Variants in GRIK4 observed in about 807,000 individuals in gnomAD.
The protein encoded by GRIK4 is glutamate receptor ionotropic, kainate 4.
In GRIK4, 40 loss-of-function variants were observed where a neutral mutation model predicts 104.9. The observed-to-expected ratio is 0.38, with a 90% CI of 0.30 to 0.50. GRIK4 has a LOEUF of 0.50. GRIK4 is among the 20% of genes least tolerant of loss of function. The probability of loss-of-function intolerance (pLI) is 0.93; values close to 1 mark genes in which losing one functional copy is unlikely to be tolerated. For synonymous variants in GRIK4, 485 were observed against 524.9 expected (o/e 0.92, Z 1.04); for missense variants, 1,047 against 1,308.1 (o/e 0.80, Z 3.08).
At chr11:120,752,439 G>A (rs1473324759) in intron 3 of GRIK4, among the ~76,000 whole-genome samples, 2 of 152,128 alleles carry the variant, frequency 1.3e-5, no homozygotes, top group African/African-American at 4.8e-5. Context: ...CGCCAAGGTG[G>A]GCAGGCCCCT....
chr11:120,984,797 A>AAC (rs1944711777), intron 20 of GRIK4, among the ~76,000 whole-genome samples: 1 of 148,504 alleles, frequency 6.7e-6, no homozygotes, highest in Non-Finnish European at 1.5e-5. Context: ...ACAAACAAAC[A>AAC]AAAATGCAGG....
At position 120,524,447 on chromosome 11, in the gene GRIK4, C is replaced by T. The variant is rs952027111; in HGVS notation, c.-159+12560C>T. Among the ~76,000 whole-genome samples, 4 of 152,120 alleles carry T rather than the reference C, an allele frequency of 2.6e-5. No homozygotes were observed. The highest frequency in any genetic ancestry group is 1.3e-4 in the Admixed American group (2 of 15,276). On this transcript the variant is annotated intron_variant, in intron 1 of 20. Transcript: ENST00000527524. This position sits in a 1 kb window ranked among gnomAD's most constrained non-coding sequence, Gnocchi z 4.5. ...TTGTGTGATCTTAAAACACATTTCCCCTGGTGGATGACAGGACTGGTTTCT... is the reference window on the plus strand; with the variant it reads ...TTGTGTGATCTTAAAACACATTTCCTCTGGTGGATGACAGGACTGGTTTCT...
chr11:120,859,750 A>T (rs1954211480), intron 8 of GRIK4, among the ~76,000 whole-genome samples: 1 of 152,168 alleles, frequency 6.6e-6, no homozygotes, highest in Non-Finnish European at 1.5e-5. Context: ...CCTGTTAGAG[A>T]GATAGGAGAT....
At chr11:120,658,932 T>G (rs1949766429) in intron 2 of GRIK4, among the ~76,000 whole-genome samples, 2 of 152,006 alleles carry the variant, frequency 1.3e-5, no homozygotes, top group Non-Finnish European at 2.9e-5. Context: ...GTATTTTTAG[T>G]AGAGATGGGG....
Position 120,961,007 on chromosome 11 carries a change from A to G in GRIK4, c.1973A>G (p.Asp658Gly). The change falls in exon 17 of 21, where the codon GAC (aspartate) becomes GGC (glycine). Residue 658 changes from aspartate (D) to glycine (G), a missense_variant. Asp to Gly is a moderately conservative substitution (Grantham distance 94, BLOSUM62 -1). This residue lies in a region of GRIK4 where 440 missense variants were observed against 652.3 expected (regional missense o/e 0.67). Coordinates refer to ENST00000527524, the MANE Select transcript of GRIK4 (RefSeq NM_014619.5). ...RMDVPIESVD[D>G]LADQTAIEYG... ...GATGTGCCCATTGAGTCAGTGGATG[A>G]CCTGGCTGACCAGACCGCCATTGAA... 6.2e-7 allele frequency: 1 copy of G among 1,614,110 alleles called. No homozygotes were observed. Among genetic ancestry groups the G allele is most frequent in the Non-Finnish European group, 8.5e-7 (1 of 1,179,958 alleles).
At chr11:120,512,379 G>T (rs981911312) in intron 1 of GRIK4, among the ~76,000 whole-genome samples, 23 of 144,438 alleles carry the variant, frequency 1.6e-4, no homozygotes, top group African/African-American at 6.0e-4. Flanking sequence ...CCCCCATCCC[G>T]GCTCAGCCTG....
chr11:120,579,380 G>A (rs529901071), intron 1 of GRIK4, among the ~76,000 whole-genome samples: 1 of 152,286 alleles, frequency 6.6e-6, no homozygotes, highest in East Asian at 1.9e-4. Flanking sequence ...CAGGCAAGGG[G>A]AACAAGGCGG....
In GRIK4 at chr11:120,987,500, A is replaced by C. The variant is rs1944776895; in HGVS notation, c.*1240A>C. 1 of 152,144 alleles carries C rather than the reference A, an allele frequency of 6.6e-6. No homozygotes were observed. The highest frequency in any genetic ancestry group is 1.5e-5 in the Non-Finnish European group (1 of 68,054). 9.4% of individuals were successfully genotyped at this position (152,144 alleles called of 1,614,324 possible). A position where few individuals can be genotyped will look rare whatever the true frequency, so the allele number is the denominator to read the frequency against. On this transcript the variant is annotated 3_prime_UTR_variant, in exon 21 of 21. Coordinates refer to ENST00000527524, the MANE Select transcript of GRIK4 (RefSeq NM_014619.5). ...GTGTGTGTATTTATTCAACAGAAAG[A>C]CCTTAAGTATTCAAGAATTTGCTAG...
chr11:120,970,023 T>C (rs908132360), intron 19 of GRIK4, among the ~76,000 whole-genome samples: 1 of 152,152 alleles, frequency 6.6e-6, no homozygotes, highest in African/African-American at 2.4e-5. Flanking sequence ...GCTTCTGTGG[T>C]CCTAGCCTCC....
At chr11:120,812,316 G>A (rs967627674) in intron 4 of GRIK4, among the ~76,000 whole-genome samples, 2 of 152,170 alleles carry the variant, frequency 1.3e-5, no homozygotes, top group Non-Finnish European at 2.9e-5. Context: ...GTGCCATGTC[G>A]ATCCCCAAGT....
intron 3 of GRIK4, among the ~76,000 whole-genome samples, chr11:120,715,080 C>T (rs186582200): frequency 4.6e-5 from 7 of 152,282 alleles, no homozygotes; most frequent in East Asian, 1.9e-4. Context: ...TACCTTCATC[C>T]GTGGGACTGG....
chr11:120,553,618 CAG>C lies in GRIK4; in HGVS notation c.-159+41732_-159+41733del, dbSNP rs534350961. Among the ~76,000 whole-genome samples, 48 of 152,276 alleles carry C rather than the reference CAG, an allele frequency of 3.2e-4. 1 individual carries two copies. The South Asian group carries it at 8.9e-3, about 28-fold the overall frequency. ...GGGAAAAGAAGGTTTGACCTGAACT[CAG>C]GGGTTATATTTGGAACTCGCAAACT... On this transcript the variant is annotated intron_variant, in intron 1 of 20. Transcript: ENST00000527524.
At chr11:120,879,021 T>A (rs575909420) in intron 11 of GRIK4, among the ~76,000 whole-genome samples, 1 of 152,302 alleles carries the variant, frequency 6.6e-6, no homozygotes, top group East Asian at 1.9e-4. Context: ...ACAAATCACT[T>A]CCAATCTTGA....
In GRIK4 at chr11:120,831,929, AC is replaced by A. The variant is rs1177013042; in HGVS notation, c.592del (p.Arg198GlyfsTer32). 1 of 1,613,730 alleles carries A rather than the reference AC, an allele frequency of 6.2e-7. No homozygotes were observed. On this transcript the variant is annotated frameshift_variant, in exon 7 of 21. Transcript: ENST00000527524. LOFTEE classifies it high-confidence loss of function. Reference sequence around the variant, plus strand: ...GCTGTCCGTCCGCATGCTGGATGACACCCGGGACCCCACCCCGCTCCTCAAG... The same window carrying A: ...GCTGTCCGTCCGCATGCTGGATGACACCGGGACCCCACCCCGCTCCTCAAG... ...DTLSVRMLDD[T>X]RDPTPLLKEI...
intron 13 of GRIK4, among the ~76,000 whole-genome samples, chr11:120,931,797 T>C (rs565017887): frequency 1.3e-5 from 2 of 152,326 alleles, no homozygotes; most frequent in South Asian, 4.1e-4. Flanking sequence ...GGACATTCAC[T>C]GTAGAAAATA....
chr11:120,634,819 A>G (rs74579005), intron 1 of GRIK4, among the ~76,000 whole-genome samples: 1 of 152,110 alleles, frequency 6.6e-6, no homozygotes, highest in Non-Finnish European at 1.5e-5. Context: ...CCTCTCTGCC[A>G]ATCTTCGTGC....
At chr11:120,934,177 G>C (rs796084852) in intron 13 of GRIK4, among the ~76,000 whole-genome samples, 42 of 145,474 alleles carry the variant, frequency 2.9e-4, no homozygotes, top group African/African-American at 9.5e-4. Context: ...TGCACTCCAG[G>C]CTGGGTGACA....
chr11:120,630,990 G>T (rs762782387), intron 1 of GRIK4, among the ~76,000 whole-genome samples: 3 of 152,202 alleles, frequency 2.0e-5, no homozygotes, highest in Admixed American at 6.5e-5. Context: ...GTGGTCCTGG[G>T]TCTGGCTCTA....
At chr11:120,593,605 T>C (rs1391018357) in intron 1 of GRIK4, among the ~76,000 whole-genome samples, 1 of 152,192 alleles carries the variant, frequency 6.6e-6, no homozygotes, top group Non-Finnish European at 1.5e-5. Context: ...CTTCTCTAAC[T>C]GTATATTCTC....
Sources: allele counts gnomAD v4.1 joint callset (sites outside exome capture counted in the v4.1 genomes callset), GRCh38; gene constraint gnomAD v4.1.1; regional missense constraint gnomAD v4.1.1; non-coding constraint Gnocchi (gnomAD v3.1); transcripts MANE v1.5; gene names NCBI Gene and HGNC (gene_info 2026-07-23, HGNC 2026-07-21).